The following ATOSA variants were observed in gnomAD, a reference collection of about 807,000 sequenced individuals.
ATOSA encodes the protein atos homolog A, also known as atos homolog protein A.
chr15:52,688,611 C>A, the ATOSA span, among the ~76,000 whole-genome samples: 1 of 152,160 alleles, frequency 6.6e-6, no homozygotes, highest in Non-Finnish European at 1.5e-5. Flanking sequence ...AGACATATTA[C>A]ATTTGAAAAA....
the ATOSA span, among the ~76,000 whole-genome samples, chr15:52,669,269 T>TA: frequency 6.6e-6 from 1 of 152,146 alleles, no homozygotes; most frequent in Non-Finnish European, 1.5e-5. Context: ...TAGGGTAACT[T>TA]AGAGAAATCC....
chr15:52,704,459 G>T, the ATOSA span, among the ~76,000 whole-genome samples: 1 of 152,090 alleles, frequency 6.6e-6, no homozygotes, highest in African/African-American at 2.4e-5. Context: ...AAGGCTTAAC[G>T]ACTAAAACAC....
the ATOSA span, among the ~76,000 whole-genome samples, chr15:52,584,273 C>G: frequency 6.6e-6 from 1 of 150,960 alleles, no homozygotes; most frequent in Non-Finnish European, 1.5e-5. Context: ...GCTTGAGTAG[C>G]TGGGATTACA....
chr15:52,686,163 T>C, the ATOSA span, among the ~76,000 whole-genome samples: 17 of 152,240 alleles, frequency 1.1e-4, no homozygotes, highest in African/African-American at 3.4e-4. Context: ...GCAGCTTCAC[T>C]CTTCATGAGC....
At chr15:52,637,344 G>A in the ATOSA span, among the ~76,000 whole-genome samples, 1 of 152,006 alleles carries the variant, frequency 6.6e-6, no homozygotes, top group Non-Finnish European at 1.5e-5. Context: ...GGAATAAAAG[G>A]AAAAGAAAAA....
chr15:52,630,622 TAAC>T, the ATOSA span, among the ~76,000 whole-genome samples: 1 of 152,182 alleles, frequency 6.6e-6, no homozygotes, highest in Non-Finnish European at 1.5e-5. Context: ...CTTTCAAAAA[TAAC>T]CTGGCATTAC....
chr15:52,668,463 G>A, the ATOSA span, among the ~76,000 whole-genome samples: 1 of 152,198 alleles, frequency 6.6e-6, no homozygotes, highest in Non-Finnish European at 1.5e-5. Flanking sequence ...AGTTAGATAG[G>A]AGGAATAAAT....
the ATOSA span, among the ~76,000 whole-genome samples, chr15:52,654,558 C>T: frequency 6.6e-6 from 1 of 152,144 alleles, no homozygotes; most frequent in South Asian, 2.1e-4. Context: ...CCAATCACAA[C>T]AAACCTCCTT....
the ATOSA span, among the ~76,000 whole-genome samples, chr15:52,682,066 A>G: frequency 6.6e-6 from 1 of 152,188 alleles, no homozygotes; most frequent in African/African-American, 2.4e-5. Flanking sequence ...TGTATTCTCT[A>G]ATATGCTTTT....
At chr15:52,655,869 T>A in the ATOSA span, among the ~76,000 whole-genome samples, 1 of 152,156 alleles carries the variant, frequency 6.6e-6, no homozygotes, top group East Asian at 1.9e-4. Context: ...CCTGTCTGAA[T>A]CTATTTCTTT....
the ATOSA span, among the ~76,000 whole-genome samples, chr15:52,695,897 G>A: frequency 6.6e-6 from 1 of 152,138 alleles, no homozygotes; most frequent in Non-Finnish European, 1.5e-5. Context: ...CTCAAGGCAG[G>A]AGCATTCCCT....
chr15:52,642,538 C>G, the ATOSA span, among the ~76,000 whole-genome samples: 53 of 152,330 alleles, frequency 3.5e-4, no homozygotes, highest in Non-Finnish European at 5.9e-4. Flanking sequence ...CAGACTAACT[C>G]TTACATCTAG....
At chr15:52,690,103 G>A in the ATOSA span, among the ~76,000 whole-genome samples, 2 of 152,156 alleles carry the variant, frequency 1.3e-5, no homozygotes, top group African/African-American at 4.8e-5. Flanking sequence ...TCTGATACTT[G>A]AAACTTGAAA....
At chr15:52,599,735 C>T in the ATOSA span, among the ~76,000 whole-genome samples, 7 of 152,260 alleles carry the variant, frequency 4.6e-5, no homozygotes, top group East Asian at 1.4e-3. Context: ...AAATAAAGTA[C>T]AGAAAACCTT....
the ATOSA span, chr15:52,608,619 ACTT>A: frequency 1.9e-6 from 3 of 1,607,156 alleles, no homozygotes; most frequent in Middle Eastern, 3.3e-4. Context: ...AGTCTTTTAT[ACTT>A]CTTCTCTGAG....
the ATOSA span, among the ~76,000 whole-genome samples, chr15:52,617,811 ATT>A: frequency 6.7e-6 from 1 of 148,870 alleles, no homozygotes; most frequent in Non-Finnish European, 1.5e-5. Context: ...TTTATTACTA[ATT>A]TATATATAAT....
At chr15:52,611,036 C>T in the ATOSA span, 7 of 1,358,166 alleles carry the variant, frequency 5.2e-6, no homozygotes, top group Non-Finnish European at 5.9e-6. Flanking sequence ...TTTAGAATTG[C>T]AGGAAATAAT....
At chr15:52,690,237 T>A in the ATOSA span, among the ~76,000 whole-genome samples, 1 of 152,228 alleles carries the variant, frequency 6.6e-6, no homozygotes, top group African/African-American at 2.4e-5. Context: ...GATAACCTAC[T>A]ATGTGCCAGA....
At chr15:52,658,418 G>T in the ATOSA span, 1 of 231,328 alleles carries the variant, frequency 4.3e-6, no homozygotes, top group Non-Finnish European at 8.3e-6. Context: ...CGTTTTCAAT[G>T]CAATTTCAGT....
Sources: allele counts gnomAD v4.1 joint callset (sites outside exome capture counted in the v4.1 genomes callset), GRCh38; gene constraint gnomAD v4.1.1; transcripts MANE v1.5; gene names NCBI Gene and HGNC (gene_info 2026-07-23, HGNC 2026-07-21).